Variants in CSMD1 observed in about 807,000 individuals in gnomAD.
CSMD1 encodes CUB and Sushi multiple domains 1.
CSMD1 carries 213 observed loss-of-function variants against 417.5 expected under a neutral mutation model. The observed-to-expected ratio is 0.51, with a 90% CI of 0.46 to 0.57. The LOEUF (loss-of-function observed/expected upper bound fraction) is 0.57. Ranked by LOEUF, CSMD1 falls within the 20% of genes least tolerant of loss-of-function variation. The pLI is 0.00. For synonymous variants in CSMD1, 2,862 were observed against 1,736.8 expected (o/e 1.65, Z -16.11); for missense variants, 6,923 against 4,529.7 (o/e 1.53, Z -15.17).
rs554046177 is a variant in CSMD1, at chr8:3,767,638, C to T, written c.819-13596G>A. Among the ~76,000 whole-genome samples the T allele has an allele frequency of 6.6e-5, 10 of 152,228 alleles. No homozygotes were observed. The East Asian group carries it at 1.9e-3, about 29-fold the overall frequency. On this transcript the variant is annotated intron_variant, in intron 5 of 69. Transcript: ENST00000635120. ...ATATCCACTTGCATATATATTCACG[C>T]AATGCATACTGTATATGATATATGG...
intron 5 of CSMD1, among the ~76,000 whole-genome samples, chr8:3,831,644 A>C (rs1405105796): frequency 1.3e-5 from 2 of 152,264 alleles, no homozygotes; most frequent in African/African-American, 2.4e-5. Flanking sequence ...TTTCCTTCAA[A>C]AGGAATCTAT....
chr8:4,883,060 A>G (rs1200924475), intron 1 of CSMD1, among the ~76,000 whole-genome samples: 1 of 152,092 alleles, frequency 6.6e-6, no homozygotes, highest in Non-Finnish European at 1.5e-5. Context: ...GCTATGGATT[A>G]CTTAAGAGCA....
chr8:4,874,461 C>A lies in CSMD1; in HGVS notation c.85+119871G>T, dbSNP rs567805275. ...CTGGCATGCAGTGTTCCATTCTCGA[C>A]TCACTGCAATCTCTGCCTCCCAGGT... is the stretch of plus-strand genomic sequence containing the variant. On this transcript the variant is annotated intron_variant, in intron 1 of 69. Coordinates refer to ENST00000635120, the MANE Select transcript of CSMD1 (RefSeq NM_033225.6). Among the ~76,000 whole-genome samples, 4 of 148,458 alleles carry A rather than the reference C, an allele frequency of 2.7e-5. No homozygotes were observed. The South Asian group carries it at 8.5e-4, about 32-fold the overall frequency.
intron 8 of CSMD1, among the ~76,000 whole-genome samples, chr8:3,614,312 G>A (rs981225510): frequency 6.6e-6 from 1 of 151,792 alleles, no homozygotes; most frequent in African/African-American, 2.4e-5. Flanking sequence ...TTCCCTGACG[G>A]GCTATACGTC....
At chr8:4,923,390 T>C (rs1288950583) in intron 1 of CSMD1, among the ~76,000 whole-genome samples, 1 of 152,148 alleles carries the variant, frequency 6.6e-6, no homozygotes, top group East Asian at 1.9e-4. Flanking sequence ...TGTAACTGGA[T>C]TGTTTGATAC....
In CSMD1 at chr8:3,886,712, A is replaced by C. The variant is rs144188618; in HGVS notation, c.818+111191T>G. On this transcript the variant is annotated intron_variant, in intron 5 of 69. Coordinates refer to ENST00000635120, the MANE Select transcript of CSMD1 (RefSeq NM_033225.6). ...CATGTTAGACACTTATGGAAGTCTT[A>C]ATCTAGTGCCTCTAAGATGGCTGTC... Among the ~76,000 whole-genome samples, 71 of 152,304 alleles carry C rather than the reference A, an allele frequency of 4.7e-4. No homozygotes were observed. In the East Asian group the frequency reaches 0.011, roughly 24 times the overall value.
At chr8:3,202,145 G>A (rs756207584) in intron 31 of CSMD1, among the ~76,000 whole-genome samples, 1 of 152,112 alleles carries the variant, frequency 6.6e-6, no homozygotes, top group African/African-American at 2.4e-5. Context: ...TCCAGCCTGG[G>A]CGACAGAGTG....
At chr8:4,697,327 C>A (rs913199224) in intron 1 of CSMD1, among the ~76,000 whole-genome samples, 2 of 152,098 alleles carry the variant, frequency 1.3e-5, no homozygotes, top group African/African-American at 2.4e-5. Context: ...GCCCTTCTCA[C>A]CAAAAGTTGC....
intron 1 of CSMD1, among the ~76,000 whole-genome samples, chr8:4,726,449 T>G (rs1809452288): frequency 6.6e-6 from 1 of 152,220 alleles, no homozygotes; most frequent in Non-Finnish European, 1.5e-5. Context: ...CTCCAGCTCT[T>G]TGTGCTCCTT....
At chr8:4,404,478 G>A (rs1804872908) in intron 3 of CSMD1, among the ~76,000 whole-genome samples, 1 of 152,070 alleles carries the variant, frequency 6.6e-6, no homozygotes, top group Admixed American at 6.6e-5. Flanking sequence ...CTATGTTTGA[G>A]GCATATTGAG....
At chr8:3,408,817 G>A (rs1240513903) in intron 13 of CSMD1, among the ~76,000 whole-genome samples, 1 of 151,868 alleles carries the variant, frequency 6.6e-6, no homozygotes, top group African/African-American at 2.4e-5. Flanking sequence ...ATAATTTTTT[G>A]GAGGGAGAAA....
intron 7 of CSMD1, among the ~76,000 whole-genome samples, chr8:3,649,633 C>T (rs974838214): frequency 1.3e-5 from 2 of 152,138 alleles, no homozygotes; most frequent in Admixed American, 6.5e-5. Flanking sequence ...ATCATGAGAA[C>T]AGCACGGAGA....
intron 1 of CSMD1, among the ~76,000 whole-genome samples, chr8:4,859,171 T>C (rs1801983633): frequency 6.6e-6 from 1 of 151,934 alleles, no homozygotes; most frequent in South Asian, 2.1e-4. Flanking sequence ...GGGGAAAGGA[T>C]TCCCTATTTA....
intron 1 of CSMD1, among the ~76,000 whole-genome samples, chr8:4,947,900 C>T (rs1290012003): frequency 3.9e-5 from 6 of 152,040 alleles, no homozygotes; most frequent in Non-Finnish European, 8.8e-5. Flanking sequence ...TGCGTCCATT[C>T]TCCTGTAAGA....
At chr8:4,273,734 G>T (rs1482667201) in intron 3 of CSMD1, among the ~76,000 whole-genome samples, 1 of 152,028 alleles carries the variant, frequency 6.6e-6, no homozygotes, top group Admixed American at 6.6e-5. Context: ...AGACCATCTG[G>T]GTCAAAACAC....
At chr8:4,393,132 C>A (rs924419163) in intron 3 of CSMD1, among the ~76,000 whole-genome samples, 1 of 152,000 alleles carries the variant, frequency 6.6e-6, no homozygotes, top group African/African-American at 2.4e-5. Context: ...TGTGCCACCA[C>A]GCCCGACTAA....
intron 5 of CSMD1, among the ~76,000 whole-genome samples, chr8:3,862,750 T>C (rs756211745): frequency 4.6e-5 from 7 of 152,152 alleles, no homozygotes; most frequent in Non-Finnish European, 7.4e-5. Flanking sequence ...ATGATTATGT[T>C]TGTTTTGCCA....
chr8:4,377,445 AT>A (rs971797814), intron 3 of CSMD1, among the ~76,000 whole-genome samples: 6 of 152,090 alleles, frequency 3.9e-5, no homozygotes, highest in Non-Finnish European at 7.4e-5. Context: ...GGTTAAATTG[AT>A]TTTTTCCCCC....
At chr8:4,518,747 C>G (rs1803264442) in intron 2 of CSMD1, among the ~76,000 whole-genome samples, 1 of 149,074 alleles carries the variant, frequency 6.7e-6, no homozygotes, top group Non-Finnish European at 1.5e-5. Flanking sequence ...CGCATGTACC[C>G]TAAAACTTAA....
Sources: allele counts gnomAD v4.1 joint callset (sites outside exome capture counted in the v4.1 genomes callset), GRCh38; gene constraint gnomAD v4.1.1; transcripts MANE v1.5; gene names NCBI Gene and HGNC (gene_info 2026-07-23, HGNC 2026-07-21).